The following CASP8 variants were observed in gnomAD, a reference collection of about 807,000 sequenced individuals.
CASP8 encodes the protein caspase-8.
Under a neutral mutation model 46.3 loss-of-function variants are expected in CASP8, and 24 were observed. The ratio of observed to expected loss-of-function variants is 0.52; its 90% CI spans 0.38 to 0.73. The LOEUF is 0.73. CASP8 is among the 30% of genes least tolerant of loss of function. CASP8 has a pLI of 0.00. For missense variants in CASP8, 460 were observed against 559.0 expected (o/e 0.82, Z 1.79); for synonymous variants, 188 against 200.4 (o/e 0.94, Z 0.52).
rs1947314854 is a variant in CASP8 at position 201,260,560 on chromosome 2, CTCAGATGG to C, written c.-78_-71del. 1 of 985,284 alleles carries C rather than the reference CTCAGATGG, an allele frequency of 1.0e-6. No individual in the cohort carries two copies. The highest frequency in any genetic ancestry group is 6.1e-5 in the Admixed American group (1 of 16,272). 61.0% of individuals were successfully genotyped at this position (985,284 alleles called of 1,614,324 possible). A position where few individuals can be genotyped will look rare whatever the true frequency, so the allele number is the denominator to read the frequency against. ...TAGACGTTTGCTCTTGTCTTAGATGCTCAGATGGTAGTGGATAGGCCTGTGACGAAGGT... is the reference window on the plus strand; with the variant it reads ...TAGACGTTTGCTCTTGTCTTAGATGCTAGTGGATAGGCCTGTGACGAAGGT... On this transcript the variant is annotated 5_prime_UTR_variant, in exon 1 of 9. The change abolishes an upstream ATG in the 5' untranslated region. Coordinates refer to ENST00000673742, the MANE Select transcript of CASP8 (RefSeq NM_001372051.1).
At position 201,274,918 on chromosome 2, in the gene CASP8, T is replaced by G; in HGVS notation, c.625T>G (p.Ser209Ala). The change falls in exon 6 of 9, where the codon TCG (serine) becomes GCG (alanine). Residue 209 changes from serine (S) to alanine (A), a missense_variant. Transcript: ENST00000673742. The stretch of plus-strand genomic sequence containing the variant: ...GGAGTTGTGTGGGGTAATGACAATC[T>G]CGGACTCTCCAAGAGAACAGGATAG... ...GEELCGVMTISDSPREQDSES... is the reference protein window; with the variant it reads ...GEELCGVMTIADSPREQDSES... 6.2e-7 allele frequency: 1 copy of G among 1,613,736 alleles called. No individual in the cohort carries two copies. The highest frequency in any genetic ancestry group is 8.5e-7 in the Non-Finnish European group (1 of 1,179,698).
At chr2:201,282,722 G>A (rs1230546284) in intron 7 of CASP8, among the ~76,000 whole-genome samples, 1 of 88,704 alleles carries the variant, frequency 1.1e-5, no homozygotes, top group South Asian at 5.7e-4. Flanking sequence ...CCCGGATGGG[G>A]CGGCTGGCCG....
rs150515363 is a variant in CASP8 at position 201,271,609 on chromosome 2, G to A, written c.399G>A (p.Leu133=). ...AAGAGGAAATCTCCAAATGCAAACTGGATGATGACATGGTAAGACCTGGTA... is the reference window on the plus strand; with the variant it reads ...AAGAGGAAATCTCCAAATGCAAACTAGATGATGACATGGTAAGACCTGGTA... ...LLQEEISKCK[L]DDDMNLLDIF... is the part of the protein sequence containing the mutation. The change falls in exon 3 of 9, where the codon CTG becomes CTA. Residue 133 remains leucine (L), a synonymous_variant. Coordinates refer to ENST00000673742, the MANE Select transcript of CASP8 (RefSeq NM_001372051.1). 73 of 1,582,522 alleles carry A rather than the reference G, an allele frequency of 4.6e-5. No homozygotes were observed. Among genetic ancestry groups the A allele is most frequent in the Non-Finnish European group, 6.2e-5 (71 of 1,151,266 alleles).
chr2:201,267,682 T>A (rs34088540), intron 2 of CASP8, among the ~76,000 whole-genome samples: 5,857 of 152,290 alleles, frequency 0.038, 145 homozygotes, highest in Non-Finnish European at 0.056. Context: ...TCTTTCAACA[T>A]CTCCTATTAT....
chr2:201,245,015 C>T (rs1349210320), intron 2 of CASP8, among the ~76,000 whole-genome samples: 1 of 152,150 alleles, frequency 6.6e-6, no homozygotes, highest in African/African-American at 2.4e-5. Context: ...GTCACTTAAC[C>T]CTGTCCTTCA....
chr2:201,252,605 G>A (rs570045728), intron 2 of CASP8, among the ~76,000 whole-genome samples: 5 of 152,246 alleles, frequency 3.3e-5, no homozygotes, highest in Admixed American at 1.3e-4. Context: ...TCTGTGGTTT[G>A]TCTCTTCACT....
intron 6 of CASP8, among the ~76,000 whole-genome samples, chr2:201,276,046 T>C (rs970831821): frequency 1.3e-5 from 2 of 152,172 alleles, no homozygotes; most frequent in African/African-American, 4.8e-5. Flanking sequence ...AGTCATAAGG[T>C]GAAGTAGAGG....
chr2:201,262,067 C>T (rs1489224570), intron 1 of CASP8: 1 of 152,058 alleles, frequency 6.6e-6, no homozygotes, highest in Non-Finnish European at 1.5e-5. Context: ...ATGTTGTTCT[C>T]TAAAAAAGTT....
intron 7 of CASP8, chr2:201,281,932 T>TATTATCTATCAATGTTATGCC: frequency 1.9e-6 from 1 of 531,234 alleles, no homozygotes; most frequent in South Asian, 2.8e-5. Context: ...TGGTTCAAAT[T>TATTATCTATCAATGTTATGCC]CTTTTTTTTT....
At chr2:201,248,864 A>C (rs1376681479) in intron 2 of CASP8, among the ~76,000 whole-genome samples, 1 of 152,126 alleles carries the variant, frequency 6.6e-6, no homozygotes, top group South Asian at 2.1e-4. Context: ...TATCATAAAG[A>C]CATTCTCTTA....
chr2:201,251,078 G>C (rs923418814), intron 2 of CASP8, among the ~76,000 whole-genome samples: 2 of 152,276 alleles, frequency 1.3e-5, no homozygotes, highest in Admixed American at 1.3e-4. Context: ...CCTTTGCGTG[G>C]TTTGATAGCT....
intron 2 of CASP8, among the ~76,000 whole-genome samples, chr2:201,248,029 C>A (rs1946616924): frequency 6.6e-6 from 1 of 152,180 alleles, no homozygotes; most frequent in Admixed American, 6.5e-5. Context: ...ATCCACCTGC[C>A]TCAGCCTCCC....
At chr2:201,281,807 A>C (rs757016081) in intron 7 of CASP8, 2 of 1,387,518 alleles carry the variant, frequency 1.4e-6, no homozygotes, top group South Asian at 2.5e-5. Context: ...CAACAATAAC[A>C]CTCTCTCCTT....
At position 201,285,067 on chromosome 2, in the gene CASP8, C is replaced by T. The variant is rs1363538645; in HGVS notation, c.1054C>T (p.Pro352Ser). Residue 352 changes from proline (P) to serine (S), a missense_variant, in exon 8 of 9, where the codon CCC (proline) becomes TCC (serine). Pro to Ser is a moderately conservative substitution (Grantham distance 74). Transcript: ENST00000673742. ...GLKCPSLAGK[P>S]KVFFIQACQG... Reference sequence around the variant, plus strand: ...GAAGTGCCCTTCCCTTGCTGGAAAACCCAAAGTGTTTTTTATTCAGGCTTG... The same window carrying T: ...GAAGTGCCCTTCCCTTGCTGGAAAATCCAAAGTGTTTTTTATTCAGGCTTG... 4 of 1,614,062 alleles carry T rather than the reference C, an allele frequency of 2.5e-6. No homozygotes were observed. The African/African-American group carries it at 5.3e-5, about 22-fold the overall frequency.
At chr2:201,251,795 G>C (rs779032739) in intron 2 of CASP8, among the ~76,000 whole-genome samples, 5 of 151,390 alleles carry the variant, frequency 3.3e-5, no homozygotes, top group Non-Finnish European at 7.4e-5. Context: ...CCAGCAACTT[G>C]GGAGGCTGAG....
rs562362162 is a variant in CASP8 at position 201,260,546 on chromosome 2, T to C, written c.-94T>C. The C allele has an allele frequency of 3.0e-6, 3 of 985,500 alleles. No individual in the cohort carries two copies. The highest frequency in any genetic ancestry group is 1.1e-4 in the East Asian group (1 of 8,814). 61.0% of individuals were successfully genotyped at this position (985,500 alleles called of 1,614,324 possible). On this transcript the variant is annotated 5_prime_UTR_variant, in exon 1 of 9. Coordinates refer to ENST00000673742, the MANE Select transcript of CASP8 (RefSeq NM_001372051.1). ...CTTCCGTCCTTCATTAGACGTTTGC[T>C]CTTGTCTTAGATGCTCAGATGGTAG...
chr2:201,261,709 C>CTACCTGCCGG (rs1482000489), intron 1 of CASP8, among the ~76,000 whole-genome samples: 1 of 152,196 alleles, frequency 6.6e-6, no homozygotes, highest in Non-Finnish European at 1.5e-5. Flanking sequence ...AGTGGCAATA[C>CTACCTGCCGG]TACCTGCCGG....
intron 2 of CASP8, among the ~76,000 whole-genome samples, chr2:201,245,042 C>T (rs1385227622): frequency 6.6e-6 from 1 of 152,180 alleles, no homozygotes; most frequent in Non-Finnish European, 1.5e-5. Context: ...TACTAAAACA[C>T]TCAATCATCC....
upstream of CASP8, among the ~76,000 whole-genome samples, chr2:201,256,226 A>C (rs1484417331): frequency 1.3e-5 from 2 of 152,224 alleles, no homozygotes; most frequent in African/African-American, 4.8e-5. Flanking sequence ...ATTCATGGCT[A>C]TGCATTAATG....
Sources: gnomAD v4.1 joint callset for allele counts (sites outside exome capture counted in the v4.1 genomes callset) on GRCh38, gnomAD v4.1.1 for gene constraint, MANE v1.5 for transcripts, NCBI Gene and HGNC (gene_info 2026-07-23, HGNC 2026-07-21) for gene names.